The following ARHGEF18 variants were observed in gnomAD, a reference collection of about 807,000 sequenced individuals.
ARHGEF18 encodes Rho/Rac guanine nucleotide exchange factor 18, also known as rho guanine nucleotide exchange factor 18.
A neutral mutation model predicts 155.7 loss-of-function variants in ARHGEF18; 93 were observed. That is an observed-to-expected ratio of 0.60 (90% CI 0.50 to 0.71). ARHGEF18 has a LOEUF of 0.71. Among genes scored for constraint, ARHGEF18 ranks in the 30% least tolerant of loss-of-function variants. The probability of loss-of-function intolerance (pLI) is 0.00; values close to 1 mark genes in which losing one functional copy is unlikely to be tolerated. For missense variants in ARHGEF18, 1,593 were observed against 1,816.1 expected (o/e 0.88, Z 2.23); for synonymous variants, 742 against 753.1 (o/e 0.99, Z 0.24).
intron 3 of ARHGEF18, 145 bp downstream of exon 3, chr19:7,373,216 T>C: frequency 9.6e-7 from 1 of 1,046,586 alleles, no homozygotes; most frequent in Non-Finnish European, 1.2e-6. Flanking sequence ...ACCAGTTTCA[T>C]GGAAGACAAT....
intron 10 of ARHGEF18, among the ~76,000 whole-genome samples, chr19:7,419,986 C>T (rs765767491): frequency 2.6e-5 from 4 of 151,356 alleles, no homozygotes; most frequent in African/African-American, 7.3e-5. Flanking sequence ...CGCCCACACT[C>T]GGCCTCCACA....
Position 7,451,235 on chromosome 19 carries a change from G to T in ARHGEF18, c.1824G>T (p.Val608=). The T allele has an allele frequency of 6.2e-7, 1 of 1,611,762 alleles. No individual in the cohort carries two copies. The highest frequency in any genetic ancestry group is 8.5e-7 in the Non-Finnish European group (1 of 1,179,374). Residue 608 remains valine (V), a synonymous_variant, in exon 16 of 29, where the codon GTG becomes GTT. Coordinates refer to ENST00000668164, the MANE Select transcript of ARHGEF18 (RefSeq NM_001367823.1). ...CACAACGCATAACCAAATACCCAGT[G>T]CTGGTGGAGCGCATCATCCAGAACA... The part of the protein sequence containing the change: ...LVTQRITKYP[V]LVERIIQNTE...
In ARHGEF18 at chr19:7,463,614, T is replaced by C. The variant is rs1235937698; in HGVS notation, c.2636-204T>C. ...CCCTGTCCTCTCACTTAGACGCAGA[T>C]TGGCCTGTCCTGGTGGCCATACCTG... On this transcript the variant is annotated intron_variant, in intron 21 of 28. Transcript: ENST00000668164. This position sits in a 1 kb window ranked among gnomAD's most constrained non-coding sequence, Gnocchi z 5.2. 1.3e-5 allele frequency among the ~76,000 whole-genome samples: 2 copies of C among 152,174 alleles called. No homozygotes were observed. Among genetic ancestry groups the C allele is most frequent in the Non-Finnish European group, 2.9e-5 (2 of 68,024 alleles).
At chr19:7,457,215 G>C (rs12972739) in intron 18 of ARHGEF18, among the ~76,000 whole-genome samples, 36,472 of 151,950 alleles carry the variant, frequency 0.24, 4,532 homozygotes, top group East Asian at 0.28. Flanking sequence ...AGGCAGCCAT[G>C]TGCTCATCTG....
chr19:7,445,565 A>G (rs909092790), intron 14 of ARHGEF18, among the ~76,000 whole-genome samples: 6 of 152,220 alleles, frequency 3.9e-5, no homozygotes, highest in African/African-American at 2.4e-5. Flanking sequence ...TGTGACCTCA[A>G]ACTATTTGCT....
rs1976350113 is a variant in ARHGEF18 at position 7,462,655 on chromosome 19, T to A, written c.2635+321T>A. On this transcript the variant is annotated intron_variant, in intron 21 of 28. Transcript: ENST00000668164. This position sits in a 1 kb window ranked among gnomAD's most constrained non-coding sequence, Gnocchi z 4.4. ...GGATCTGAAGTTGACTAAGACTGGT[T>A]CCCTACCTACCAGAGGTTCCTCTTC... is the stretch of plus-strand genomic sequence containing the variant. Among the ~76,000 whole-genome samples, 1 of 151,716 alleles carries A rather than the reference T, an allele frequency of 6.6e-6. No homozygotes were observed. Among genetic ancestry groups the A allele is most frequent in the Admixed American group, 6.6e-5 (1 of 15,250 alleles).
At chr19:7,375,377 GAAA>G in intron 3 of ARHGEF18, among the ~76,000 whole-genome samples, 1 of 133,078 alleles carries the variant, frequency 7.5e-6, no homozygotes, top group African/African-American at 2.9e-5. Context: ...AAGGAAGGAA[GAAA>G]GAAAAGGAAG....
intron 2 of ARHGEF18, among the ~76,000 whole-genome samples, chr19:7,368,719 A>G (rs1345845776): frequency 6.6e-6 from 1 of 152,076 alleles, no homozygotes; most frequent in African/African-American, 2.4e-5. Flanking sequence ...ACACAAAAAA[A>G]CCTTCGGGGG....
intron 10 of ARHGEF18, among the ~76,000 whole-genome samples, chr19:7,428,226 TAA>T (rs1973766448): frequency 6.6e-6 from 1 of 152,130 alleles, no homozygotes; most frequent in Non-Finnish European, 1.5e-5. Context: ...TAGCAGTGCT[TAA>T]AATGCATTTT....
intron 2 of ARHGEF18, among the ~76,000 whole-genome samples, chr19:7,368,159 C>T (rs1406335119): frequency 1.3e-5 from 2 of 151,720 alleles, no homozygotes; most frequent in Admixed American, 6.6e-5. Context: ...TATCTTTTTC[C>T]AACAGACAAC....
intron 10 of ARHGEF18, among the ~76,000 whole-genome samples, chr19:7,400,344 G>A (rs970198408): frequency 6.6e-6 from 1 of 151,990 alleles, no homozygotes; most frequent in Non-Finnish European, 1.5e-5. Context: ...AAAAAAACAG[G>A]GTCTTGCTGT....
chr19:7,431,529 A>AAG (rs1555718290), intron 10 of ARHGEF18, among the ~76,000 whole-genome samples: 10 of 146,844 alleles, frequency 6.8e-5, no homozygotes, highest in South Asian at 2.2e-4. Flanking sequence ...AAAAAAAAAA[A>AAG]AAAAGGCCGG....
At chr19:7,477,442 G>A (rs1460845056), downstream of ARHGEF18, 4 of 1,423,870 alleles carry the variant, frequency 2.8e-6, no homozygotes, top group Non-Finnish European at 3.7e-6. Context: ...GCGGGCTGTG[G>A]GGCAGAGAGG....
rs764619073 is a variant in ARHGEF18, at chr19:7,460,007, C to T, written c.2452+13C>T. ...CGGGACTTTCAAGGTGAGCGGGAGA[C>T]AGCGTCTGGGCACACCCCTTGTGTG... On this transcript the variant is annotated intron_variant, in intron 20 of 28. Coordinates refer to ENST00000668164, the MANE Select transcript of ARHGEF18 (RefSeq NM_001367823.1). 1.4e-5 allele frequency: 22 copies of T among 1,561,822 alleles called. No homozygotes were observed. The highest frequency in any genetic ancestry group is 1.8e-5 in the Non-Finnish European group (21 of 1,153,050).
In ARHGEF18 at chr19:7,470,075, GC is replaced by G; in HGVS notation, c.3913+47del. 1.2e-6 allele frequency: 2 copies of G among 1,611,378 alleles called. No homozygotes were observed. The highest frequency in any genetic ancestry group is 1.7e-6 in the Non-Finnish European group (2 of 1,179,148). On this transcript the variant is annotated intron_variant, in intron 28 of 28. Coordinates refer to ENST00000668164, the MANE Select transcript of ARHGEF18 (RefSeq NM_001367823.1). The surrounding 1 kb of genome is among the most constrained non-coding windows in gnomAD (Gnocchi z 5.9). ...ATGAGCCCAGTCCCAGGGCAGCGGG[GC>G]TGCGGCACCACCCGGCGACTGCTCA...
chr19:7,389,764 G>A lies in ARHGEF18; in HGVS notation c.967+6561G>A, dbSNP rs149873398. 2.3e-3 allele frequency among the ~76,000 whole-genome samples: 348 copies of A among 152,080 alleles called. 2 individuals carry two copies. The highest frequency in any genetic ancestry group is 7.9e-3 in the African/African-American group (327 of 41,520). ...TGGCCAGGCTGGTCTCGAACTCCTGGCCTCAAGCGATCCGCCCACGAGTCG... is the reference window on the plus strand; with the variant it reads ...TGGCCAGGCTGGTCTCGAACTCCTGACCTCAAGCGATCCGCCCACGAGTCG... On this transcript the variant is annotated intron_variant, in intron 10 of 28. Transcript: ENST00000668164.
At chr19:7,373,459 G>GTTTTTTTTTTTTTT (rs1352283681) in intron 3 of ARHGEF18, among the ~76,000 whole-genome samples, 1 of 113,628 alleles carries the variant, frequency 8.8e-6, no homozygotes, top group African/African-American at 4.9e-5. Context: ...TTGTTTTTGT[G>GTTTTTTTTTTTTTT]TTTGTTTTTT....
intron 5 of ARHGEF18, among the ~76,000 whole-genome samples, chr19:7,378,024 C>T (rs1417876705): frequency 1.3e-5 from 2 of 151,748 alleles, no homozygotes; most frequent in Admixed American, 6.6e-5. Flanking sequence ...ACCCAGGAGG[C>T]GGAGGTTGCA....
intron 1 of ARHGEF18, among the ~76,000 whole-genome samples, chr19:7,362,209 AAAAGAAGAG>A (rs1421407182): frequency 7.8e-6 from 1 of 128,970 alleles, no homozygotes; most frequent in Non-Finnish European, 1.5e-5. Context: ...GAAGAAGGAG[AAAAGAAGAG>A]GAAGAAGAGG....
Sources: gnomAD v4.1 joint callset for allele counts (sites outside exome capture counted in the v4.1 genomes callset) on GRCh38, gnomAD v4.1.1 for gene constraint, Gnocchi (gnomAD v3.1) non-coding constraint, MANE v1.5 for transcripts, NCBI Gene and HGNC (gene_info 2026-07-23, HGNC 2026-07-21) for gene names.